Variants in DPP6 observed in about 807,000 individuals in gnomAD.
The protein encoded by DPP6 is dipeptidyl peptidase like 6.
In DPP6, 69 loss-of-function variants were observed where a neutral mutation model predicts 122.6. That is an observed-to-expected ratio of 0.56 (90% CI 0.46 to 0.69). DPP6 has a LOEUF of 0.69. DPP6 is among the 30% of genes least tolerant of loss of function. The pLI, the probability that DPP6 is intolerant of heterozygous loss-of-function variation, is 0.00. For synonymous variants in DPP6, 418 were observed against 433.1 expected, an observed-to-expected ratio of 0.97 and a Z score of 0.43; for missense variants, 928 against 1,116.9, an observed-to-expected ratio of 0.83 and a Z score of 2.41.
At chr7:154,683,972 G>C (rs551496985) in intron 7 of DPP6, among the ~76,000 whole-genome samples, 3 of 152,244 alleles carry the variant, frequency 2.0e-5, no homozygotes, top group South Asian at 2.1e-4. Flanking sequence ...TGGCTCAAGC[G>C]ATCCTCCCAC....
chr7:154,018,781 C>T (rs1211682626), intron 1 of DPP6, among the ~76,000 whole-genome samples: 1 of 152,236 alleles, frequency 6.6e-6, no homozygotes, highest in Non-Finnish European at 1.5e-5. Context: ...AGGCTTCTTG[C>T]AGATGAGCTT....
At chr7:154,789,732 A>G (rs753892684) in intron 10 of DPP6, among the ~76,000 whole-genome samples, 32 of 152,216 alleles carry the variant, frequency 2.1e-4, no homozygotes, top group Non-Finnish European at 4.1e-4. Flanking sequence ...TCCAGCAGCA[A>G]AAGTGTGACT....
chr7:154,470,710 G>C (rs370145866), intron 2 of DPP6, among the ~76,000 whole-genome samples: 2 of 152,118 alleles, frequency 1.3e-5, no homozygotes, highest in South Asian at 4.1e-4. Flanking sequence ...GAGCTAACCA[G>C]GCCAAGTCAA....
At chr7:154,636,777 GCAAGCTCATTTCCAT>G (rs1288984464) in intron 5 of DPP6, among the ~76,000 whole-genome samples, 1 of 152,140 alleles carries the variant, frequency 6.6e-6, no homozygotes, top group Non-Finnish European at 1.5e-5. Context: ...TGTTTTCTTT[GCAAGCTCATTTCCAT>G]CATTGGTCCT....
chr7:153,960,200 G>C (rs990822920), intron 1 of DPP6, among the ~76,000 whole-genome samples: 1 of 152,056 alleles, frequency 6.6e-6, no homozygotes, highest in Non-Finnish European at 1.5e-5. Flanking sequence ...TAAGACAACA[G>C]TGAGGTTTGC....
intron 1 of DPP6, among the ~76,000 whole-genome samples, chr7:154,325,009 T>C (rs1808320746): frequency 6.6e-6 from 1 of 151,800 alleles, no homozygotes; most frequent in Non-Finnish European, 1.5e-5. Flanking sequence ...GGACTACAGA[T>C]GTGTACCACC....
chr7:154,432,512 A>G (rs191939917), intron 1 of DPP6, among the ~76,000 whole-genome samples: 1 of 152,154 alleles, frequency 6.6e-6, no homozygotes, highest in African/African-American at 2.4e-5. Context: ...CTTAACAATG[A>G]TCTAGGGGTT....
intron 1 of DPP6, among the ~76,000 whole-genome samples, chr7:154,359,495 C>G (rs1221734098): frequency 6.6e-6 from 1 of 152,144 alleles, no homozygotes; most frequent in Non-Finnish European, 1.5e-5. Context: ...GCCCCTCTTC[C>G]CCTGCCTTAT....
chr7:154,568,215 C>T (rs111968536), intron 5 of DPP6, among the ~76,000 whole-genome samples: 2,219 of 152,294 alleles, frequency 0.015, 28 homozygotes, highest in South Asian at 0.036. Context: ...TTTCAGCTTC[C>T]TTCATCACCC....
At chr7:154,157,311 A>G (rs1009180796) in intron 1 of DPP6, among the ~76,000 whole-genome samples, 3 of 152,240 alleles carry the variant, frequency 2.0e-5, no homozygotes, top group African/African-American at 4.8e-5. Flanking sequence ...ACTCGAAAGT[A>G]TGGAAAGCCA....
At position 154,001,581 on chromosome 7, in the gene DPP6, T is replaced by G. The variant is rs1797695157; in HGVS notation, c.51+113847T>G. Among the ~76,000 whole-genome samples, 4 of 152,096 alleles carry G rather than the reference T, an allele frequency of 2.6e-5. No homozygotes were observed. The South Asian group carries it at 8.3e-4, about 32-fold the overall frequency. ...CTCCACTGCTGGCAGTTTATAAATC[T>G]TTCCAGTGTTTTCATTGAGGGTTGT... On this transcript the variant is annotated intron_variant, in intron 1 of 25. Transcript: ENST00000404039.
At chr7:153,885,001 T>C (rs988901768), upstream of DPP6, among the ~76,000 whole-genome samples, 58 of 144,092 alleles carry the variant, frequency 4.0e-4, 1 homozygote, top group African/African-American at 1.3e-3. Flanking sequence ...TATATATATA[T>C]ATATATATAT....
intron 7 of DPP6, among the ~76,000 whole-genome samples, chr7:154,680,050 G>T (rs370616682): frequency 1.4e-4 from 22 of 152,292 alleles, no homozygotes; most frequent in African/African-American, 5.1e-4. Context: ...TGGTTAAAGA[G>T]TGAGGAGAAT....
At position 154,019,814 on chromosome 7, in the gene DPP6, A is replaced by G. The variant is rs529862363; in HGVS notation, c.51+132080A>G. 2.6e-5 allele frequency among the ~76,000 whole-genome samples: 4 copies of G among 152,336 alleles called. No individual in the cohort carries two copies. In the East Asian group the frequency reaches 7.7e-4, roughly 29 times the overall value. On this transcript the variant is annotated intron_variant, in intron 1 of 25. Transcript: ENST00000404039. The stretch of plus-strand genomic sequence containing the variant: ...ATGCCCCAACCTTTGTAAAATCTTT[A>G]TTGAACAACCATGGCCAGTAACCAT...
chr7:154,257,162 A>AT (rs1221268968), intron 1 of DPP6, among the ~76,000 whole-genome samples: 1 of 151,588 alleles, frequency 6.6e-6, no homozygotes, highest in Non-Finnish European at 1.5e-5. Flanking sequence ...TTTTAAAAAC[A>AT]TTTTTTTGTA....
At chr7:153,861,551 A>C in the DPP6 span, among the ~76,000 whole-genome samples, 2 of 152,238 alleles carry the variant, frequency 1.3e-5, no homozygotes, top group African/African-American at 2.4e-5. Context: ...TTTGAAAGTA[A>C]TGTCCATGTC....
chr7:154,548,645 T>G (rs1829398519), intron 4 of DPP6, among the ~76,000 whole-genome samples: 1 of 152,116 alleles, frequency 6.6e-6, no homozygotes, highest in South Asian at 2.1e-4. Flanking sequence ...ATCACACGTA[T>G]ACTCTTCAAG....
chr7:154,248,524 A>G (rs1351240370), intron 1 of DPP6, among the ~76,000 whole-genome samples: 2 of 152,300 alleles, frequency 1.3e-5, no homozygotes, highest in South Asian at 2.1e-4. Flanking sequence ...TAATTGGAAT[A>G]TATACATTTG....
At chr7:153,996,740 T>C (rs1218194115) in intron 1 of DPP6, among the ~76,000 whole-genome samples, 1 of 152,170 alleles carries the variant, frequency 6.6e-6, no homozygotes, top group Non-Finnish European at 1.5e-5. Context: ...CCAATAGTGG[T>C]AATTTTTACA....
Sources: gnomAD v4.1 joint callset for allele counts (sites outside exome capture counted in the v4.1 genomes callset) on GRCh38, gnomAD v4.1.1 for gene constraint, MANE v1.5 for transcripts, NCBI Gene and HGNC (gene_info 2026-07-23, HGNC 2026-07-21) for gene names.